STK32B: variants seen among roughly 807,000 people sequenced by gnomAD.
The protein encoded by STK32B is serine/threonine kinase 32B.
STK32B carries 43 observed loss-of-function variants against 52.6 expected under a neutral mutation model. The observed-to-expected ratio is 0.82, with a 90% CI of 0.64 to 1.05. The LOEUF is 1.05. Ranked by LOEUF, STK32B falls within the 50% of genes least tolerant of loss-of-function variation. STK32B has a pLI of 0.00. For missense variants in STK32B, 621 were observed against 534.6 expected (o/e 1.16, Z -1.59); for synonymous variants, 238 against 204.3 (o/e 1.17, Z -1.41).
At chr4:5,193,616 C>G (rs1037263674) in intron 3 of STK32B, among the ~76,000 whole-genome samples, 4 of 152,224 alleles carry the variant, frequency 2.6e-5, no homozygotes. Context: ...GAGTCGGTGC[C>G]AATGTCCTGG....
rs1668899326 is a variant in STK32B at position 5,460,882 on chromosome 4, A to G, written c.909+654A>G. ...CACATGCCACACCAAAAAGGCTTCC[A>G]GAGGCCACGGTCAAAGTTTTAGGTT... On this transcript the variant is annotated intron_variant, in intron 9 of 11. Transcript: ENST00000282908. This position sits in a 1 kb window ranked among gnomAD's most constrained non-coding sequence, Gnocchi z 4.8. Among the ~76,000 whole-genome samples, 1 of 152,244 alleles carries G rather than the reference A, an allele frequency of 6.6e-6. No individual in the cohort carries two copies. Among genetic ancestry groups the G allele is most frequent in the South Asian group, 2.1e-4 (1 of 4,836 alleles).
chr4:5,223,598 G>T (rs1316684615), intron 3 of STK32B, among the ~76,000 whole-genome samples: 1 of 152,010 alleles, frequency 6.6e-6, no homozygotes, highest in African/African-American at 2.4e-5. Context: ...CGAATCACGA[G>T]GTCAGGAGAT....
chr4:5,341,189 T>C (rs894898740), intron 4 of STK32B, among the ~76,000 whole-genome samples: 2 of 152,218 alleles, frequency 1.3e-5, no homozygotes, highest in African/African-American at 4.8e-5. Flanking sequence ...AGGAAGGCAC[T>C]GTTACCATGG....
chr4:5,194,948 C>T (rs1200525793), intron 3 of STK32B, among the ~76,000 whole-genome samples: 1 of 152,166 alleles, frequency 6.6e-6, no homozygotes, highest in Non-Finnish European at 1.5e-5. Flanking sequence ...TGAGAAGCTG[C>T]CCTCATGATC....
At chr4:5,304,969 T>C (rs1036968754) in intron 3 of STK32B, among the ~76,000 whole-genome samples, 4 of 152,188 alleles carry the variant, frequency 2.6e-5, no homozygotes, top group Admixed American at 1.3e-4. Context: ...TTTTTAATTC[T>C]GTTCATGTAG....
At chr4:5,107,210 T>C (rs550481344) in intron 1 of STK32B, among the ~76,000 whole-genome samples, 17 of 152,040 alleles carry the variant, frequency 1.1e-4, no homozygotes, top group Non-Finnish European at 1.8e-4. Context: ...CTTATGAGAG[T>C]CTAATGCCTG....
rs149177010 is a variant in STK32B, at chr4:5,386,765, C to T, written c.435-11442C>T. ...CCCCTCATCTGGAAAATGACCAGGT[C>T]GTTCCGGGTGGTGGCTGGACCCTCC... On this transcript the variant is annotated intron_variant, in intron 4 of 11. Coordinates refer to ENST00000282908, the MANE Select transcript of STK32B (RefSeq NM_018401.3). The surrounding 1 kb of genome is among the most constrained non-coding windows in gnomAD (Gnocchi z 4.5). Among the ~76,000 whole-genome samples, 16 of 152,326 alleles carry T rather than the reference C, an allele frequency of 1.1e-4. No individual in the cohort carries two copies. Among genetic ancestry groups the T allele is most frequent in the African/African-American group, 3.4e-4 (14 of 41,574 alleles).
intron 4 of STK32B, among the ~76,000 whole-genome samples, chr4:5,355,410 CAT>C (rs1258156787): frequency 6.6e-6 from 1 of 152,164 alleles, no homozygotes; most frequent in Non-Finnish European, 1.5e-5. Flanking sequence ...CTTCCAAGTT[CAT>C]ATGTTTTCTA....
chr4:5,399,634 G>C lies in STK32B; in HGVS notation c.472+1390G>C, dbSNP rs761928188. On this transcript the variant is annotated intron_variant, in intron 5 of 11. Coordinates refer to ENST00000282908, the MANE Select transcript of STK32B (RefSeq NM_018401.3). The surrounding 1 kb of genome is among the most constrained non-coding windows in gnomAD (Gnocchi z 5.4). ...TCTCCAGTTTGTATCTAAAAGTCAG[G>C]ATCTTCAGATGTGGCACTCAGCTGA... Among the ~76,000 whole-genome samples the C allele has an allele frequency of 3.3e-5, 5 of 152,110 alleles. No homozygotes were observed. Among genetic ancestry groups the C allele is most frequent in the Non-Finnish European group, 7.3e-5 (5 of 68,028 alleles).
chr4:5,198,275 G>A (rs1721855946), intron 3 of STK32B, among the ~76,000 whole-genome samples: 1 of 152,198 alleles, frequency 6.6e-6, no homozygotes, highest in Non-Finnish European at 1.5e-5. Context: ...GAAACATACT[G>A]TGAAATTGCA....
intron 4 of STK32B, among the ~76,000 whole-genome samples, chr4:5,379,819 AAG>A (rs1159040516): frequency 6.6e-6 from 1 of 152,184 alleles, no homozygotes; most frequent in African/African-American, 2.4e-5. Context: ...AATGGTGAGA[AAG>A]AAAAGTCTGT....
At chr4:5,128,470 A>G (rs1298959454) in intron 1 of STK32B, among the ~76,000 whole-genome samples, 1 of 152,214 alleles carries the variant, frequency 6.6e-6, no homozygotes, top group African/African-American at 2.4e-5. Flanking sequence ...ATTTTCCTGT[A>G]TGAATTAGGC....
intron 3 of STK32B, among the ~76,000 whole-genome samples, chr4:5,330,846 G>T (rs1015816534): frequency 4.6e-5 from 7 of 152,230 alleles, no homozygotes. Flanking sequence ...TGGGAGGGGA[G>T]TGTGTCTTTG....
At chr4:5,477,287 A>G (rs1042304838) in intron 11 of STK32B, among the ~76,000 whole-genome samples, 1 of 151,998 alleles carries the variant, frequency 6.6e-6, no homozygotes, top group Non-Finnish European at 1.5e-5. Context: ...CATTTTCACT[A>G]CTTAATCTAG....
intron 3 of STK32B, among the ~76,000 whole-genome samples, chr4:5,205,369 C>G (rs1722484359): frequency 6.6e-6 from 1 of 152,174 alleles, no homozygotes; most frequent in Non-Finnish European, 1.5e-5. Context: ...TCTCTTGTAT[C>G]TATGTATCTC....
chr4:5,191,605 G>A (rs1223724439), intron 3 of STK32B, among the ~76,000 whole-genome samples: 1 of 152,064 alleles, frequency 6.6e-6, no homozygotes, highest in Non-Finnish European at 1.5e-5. Flanking sequence ...TTTCATTTAA[G>A]GAAGGGTTTC....
At position 5,323,458 on chromosome 4, in the gene STK32B, G is replaced by A. The variant is rs566485373; in HGVS notation, c.261-7762G>A. Among the ~76,000 whole-genome samples the A allele has an allele frequency of 1.2e-4, 18 of 152,314 alleles. No individual in the cohort carries two copies. The South Asian group carries it at 3.3e-3, about 28-fold the overall frequency. Reference sequence around the variant, plus strand: ...GGTCTATCACTTCTGCACCCTGCAAGGGAGGGAGACGGCTATGGGGAGAGA... The same window carrying A: ...GGTCTATCACTTCTGCACCCTGCAAAGGAGGGAGACGGCTATGGGGAGAGA... On this transcript the variant is annotated intron_variant, in intron 3 of 11. Transcript: ENST00000282908.
At chr4:5,098,205 G>T (rs1213077694) in intron 1 of STK32B, among the ~76,000 whole-genome samples, 1 of 152,234 alleles carries the variant, frequency 6.6e-6, no homozygotes, top group Admixed American at 6.5e-5. Context: ...TGCACAGGGT[G>T]TGGTATGGAA....
intron 4 of STK32B, among the ~76,000 whole-genome samples, chr4:5,333,319 G>C (rs2108957629): frequency 6.6e-6 from 1 of 152,232 alleles, no homozygotes; most frequent in East Asian, 1.9e-4. Context: ...CCCACTTTTT[G>C]ATGGGGTTGT....
Sources: allele counts gnomAD v4.1 joint callset (sites outside exome capture counted in the v4.1 genomes callset), GRCh38; gene constraint gnomAD v4.1.1; non-coding constraint Gnocchi (gnomAD v3.1); transcripts MANE v1.5; gene names NCBI Gene and HGNC (gene_info 2026-07-23, HGNC 2026-07-21).